Variants in RAB38 observed in about 807,000 individuals in gnomAD.
RAB38 encodes RAB38, member RAS oncogene family.
Under a neutral mutation model 18.4 loss-of-function variants are expected in RAB38, and 15 were observed. That is an observed-to-expected ratio of 0.82 (90% CI 0.55 to 1.26). The LOEUF is 1.26. RAB38 is among the 50% of genes most tolerant of loss of function. RAB38 has a pLI of 0.00. For missense variants in RAB38, 294 were observed against 267.4 expected, an observed-to-expected ratio of 1.10 and a Z score of -0.69; for synonymous variants, 101 against 104.4, an observed-to-expected ratio of 0.97 and a Z score of 0.20.
At chr11:87,846,339 G>A in the RAB38 span, among the ~76,000 whole-genome samples, 2 of 152,034 alleles carry the variant, frequency 1.3e-5, no homozygotes, top group African/African-American at 4.8e-5. Flanking sequence ...ACTATATGCT[G>A]CTACAAGAGC....
chr11:87,838,044 A>T, the RAB38 span, among the ~76,000 whole-genome samples: 1 of 152,160 alleles, frequency 6.6e-6, no homozygotes, highest in Non-Finnish European at 1.5e-5. Flanking sequence ...GTTGCTTAAT[A>T]CCTTGTGATA....
the RAB38 span, among the ~76,000 whole-genome samples, chr11:88,079,714 T>C: frequency 6.6e-6 from 1 of 151,654 alleles, no homozygotes; most frequent in Non-Finnish European, 1.5e-5. Context: ...ATGGAGTTTA[T>C]CCCAGGAATG....
the RAB38 span, among the ~76,000 whole-genome samples, chr11:88,058,459 A>G: frequency 4.7e-3 from 715 of 152,232 alleles, 2 homozygotes; most frequent in Non-Finnish European, 6.9e-3. Context: ...CCTACAACAA[A>G]CATGTGGCCT....
chr11:87,977,844 T>G, the RAB38 span, among the ~76,000 whole-genome samples: 1 of 107,396 alleles, frequency 9.3e-6, no homozygotes, highest in Admixed American at 1.2e-4. Context: ...ATCATGTATA[T>G]TAATGGATAG....
chr11:88,005,894 T>C, the RAB38 span, among the ~76,000 whole-genome samples: 4 of 151,564 alleles, frequency 2.6e-5, no homozygotes, highest in African/African-American at 7.2e-5. Flanking sequence ...ATCTTTGTTG[T>C]ATATCAGTTG....
the RAB38 span, among the ~76,000 whole-genome samples, chr11:87,906,974 A>C: frequency 1.3e-5 from 2 of 151,916 alleles, no homozygotes; most frequent in Admixed American, 1.3e-4. Context: ...ATTTATTGAC[A>C]GTATTAAGAT....
the RAB38 span, among the ~76,000 whole-genome samples, chr11:87,895,885 C>A: frequency 6.6e-6 from 1 of 151,578 alleles, no homozygotes; most frequent in Non-Finnish European, 1.5e-5. Flanking sequence ...AGGATAAAAA[C>A]CAAGTCTTCA....
chr11:88,004,671 G>A, the RAB38 span, among the ~76,000 whole-genome samples: 1 of 151,116 alleles, frequency 6.6e-6, no homozygotes, highest in Non-Finnish European at 1.5e-5. Flanking sequence ...AAAGTACAGA[G>A]CTTGAACACA....
chr11:87,840,801 G>T, the RAB38 span, among the ~76,000 whole-genome samples: 11 of 152,254 alleles, frequency 7.2e-5, no homozygotes, highest in African/African-American at 2.2e-4. Flanking sequence ...TCTATATAGG[G>T]TGGTTCAAAT....
chr11:88,088,523 G>T, the RAB38 span, among the ~76,000 whole-genome samples: 24 of 151,996 alleles, frequency 1.6e-4, no homozygotes, highest in East Asian at 4.7e-3. Flanking sequence ...TCTAACTGAA[G>T]AGGGGAGCTA....
the RAB38 span, among the ~76,000 whole-genome samples, chr11:87,856,569 A>C: frequency 6.6e-6 from 1 of 152,184 alleles, no homozygotes; most frequent in African/African-American, 2.4e-5. Context: ...GTTTTAGATA[A>C]ATGTATTATT....
chr11:87,805,907 C>A, the RAB38 span, among the ~76,000 whole-genome samples: 1 of 152,158 alleles, frequency 6.6e-6, no homozygotes, highest in East Asian at 1.9e-4. Flanking sequence ...TCTCTTAAAG[C>A]CTTCAACTGG....
At chr11:88,168,448 C>T (rs1943269884) in intron 1 of RAB38, among the ~76,000 whole-genome samples, 1 of 152,078 alleles carries the variant, frequency 6.6e-6, no homozygotes, top group African/African-American at 2.4e-5. Context: ...CCCTGGTTGA[C>T]TTTCTTTTAG....
the RAB38 span, among the ~76,000 whole-genome samples, chr11:88,020,321 T>C: frequency 6.6e-6 from 1 of 152,054 alleles, no homozygotes; most frequent in Non-Finnish European, 1.5e-5. Context: ...TCAGACAAAA[T>C]AGATTTCCAG....
intron 1 of RAB38, among the ~76,000 whole-genome samples, chr11:88,163,812 A>C (rs1943215675): frequency 2.0e-5 from 3 of 152,162 alleles, no homozygotes; most frequent in African/African-American, 7.2e-5. Flanking sequence ...TGTGAAAATG[A>C]GTACTAATAC....
the RAB38 span, among the ~76,000 whole-genome samples, chr11:87,947,249 T>C: frequency 6.6e-6 from 1 of 151,970 alleles, no homozygotes; most frequent in Non-Finnish European, 1.5e-5. Flanking sequence ...TTTTTTTTCT[T>C]GTAAATTTGT....
intron 2 of RAB38, 85 bp downstream of exon 2, chr11:88,149,590 T>G: frequency 1.4e-6 from 2 of 1,441,218 alleles, no homozygotes; most frequent in Non-Finnish European, 1.9e-6. Flanking sequence ...AACATATTAT[T>G]ATCATTATGA....
chr11:87,872,945 A>C, the RAB38 span, among the ~76,000 whole-genome samples: 1 of 151,614 alleles, frequency 6.6e-6, no homozygotes, highest in Admixed American at 6.6e-5. Flanking sequence ...TATGGATGTA[A>C]GTTTTCAACT....
chr11:88,033,491 T>C, the RAB38 span, among the ~76,000 whole-genome samples: 1 of 152,168 alleles, frequency 6.6e-6, no homozygotes, highest in Non-Finnish European at 1.5e-5. Context: ...TTATCTATTT[T>C]ATATATCATT....
Sources: gnomAD v4.1 joint callset for allele counts (sites outside exome capture counted in the v4.1 genomes callset) on GRCh38, gnomAD v4.1.1 for gene constraint, MANE v1.5 for transcripts, NCBI Gene and HGNC (gene_info 2026-07-23, HGNC 2026-07-21) for gene names.